Variants in ARHGEF37 observed in about 807,000 individuals in gnomAD.
The protein encoded by ARHGEF37 is Rho guanine nucleotide exchange factor 37.
In ARHGEF37, 55 loss-of-function variants were observed where a neutral mutation model predicts 71.1. The observed-to-expected ratio is 0.77, with a 90% CI of 0.62 to 0.97. The LOEUF is 0.97. ARHGEF37 is among the 50% of genes least tolerant of loss of function. ARHGEF37 has a pLI of 0.00. For missense variants in ARHGEF37, 765 were observed against 836.8 expected, an observed-to-expected ratio of 0.91 and a Z score of 1.06; for synonymous variants, 327 against 350.6, an observed-to-expected ratio of 0.93 and a Z score of 0.75.
upstream of ARHGEF37, among the ~76,000 whole-genome samples, chr5:149,576,720 G>A (rs959712967): frequency 3.3e-5 from 5 of 152,130 alleles, no homozygotes; most frequent in Non-Finnish European, 7.4e-5. Flanking sequence ...ACTTTGGGAG[G>A]CAAGGCAGGT....
chr5:149,582,758 T>C (rs968708531), intron 1 of ARHGEF37, among the ~76,000 whole-genome samples: 35 of 151,934 alleles, frequency 2.3e-4, no homozygotes, highest in Non-Finnish European at 1.9e-4. Flanking sequence ...CCTGAAACTA[T>C]GTACATCTAT....
At chr5:149,602,883 C>A (rs1260944989) in intron 3 of ARHGEF37, among the ~76,000 whole-genome samples, 1 of 152,100 alleles carries the variant, frequency 6.6e-6, no homozygotes, top group Non-Finnish European at 1.5e-5. Flanking sequence ...CTAACCTTTC[C>A]TGAACACGAA....
Position 149,628,984 on chromosome 5 carries a change from C to T in ARHGEF37, c.1818+18C>T, listed in dbSNP as rs961735560. ...TGAACCAGGTGAGTATAGGAGAGGG[C>T]TGGGGGCTTGCCTCCCATCGGCCAT... On this transcript the variant is annotated intron_variant, in intron 12 of 12. Coordinates refer to ENST00000333677, the MANE Select transcript of ARHGEF37 (RefSeq NM_001001669.3). 6.2e-7 allele frequency: 1 copy of T among 1,605,022 alleles called. No individual in the cohort carries two copies. The highest frequency in any genetic ancestry group is 8.5e-7 in the Non-Finnish European group (1 of 1,175,828).
intron 1 of ARHGEF37, among the ~76,000 whole-genome samples, chr5:149,564,808 G>C (rs1199530013): frequency 1.3e-5 from 2 of 152,118 alleles, no homozygotes; most frequent in African/African-American, 4.8e-5. Context: ...TGGGCAACAA[G>C]AGTGAAACTC....
chr5:149,602,079 C>T (rs1441356870), intron 3 of ARHGEF37, among the ~76,000 whole-genome samples: 156 of 145,870 alleles, frequency 1.1e-3, no homozygotes, highest in African/African-American at 3.6e-3. Context: ...TTTTTTGAGA[C>T]GGAGTCTCAC....
In ARHGEF37 at chr5:149,633,398, C is replaced by G. The variant is rs1187255832; in HGVS notation, c.*1207C>G. 1 of 152,226 alleles carries G rather than the reference C, an allele frequency of 6.6e-6. No homozygotes were observed. The highest frequency in any genetic ancestry group is 2.4e-5 in the African/African-American group (1 of 41,458). The allele number at this position is 152,226 out of a possible 1,614,324, so 9.4% of individuals were successfully genotyped here. On this transcript the variant is annotated 3_prime_UTR_variant, in exon 13 of 13. Transcript: ENST00000333677. ...GTAACCCAGGATCTACCTTGGGGGG[C>G]TTCTCAATACTGCATTCTATGTAGC...
rs567044502 is a variant in ARHGEF37, at chr5:149,629,524, G to A, written c.1818+558G>A. Among the ~76,000 whole-genome samples the A allele has an allele frequency of 1.1e-4, 17 of 152,282 alleles. No individual in the cohort carries two copies. In the East Asian group the frequency reaches 3.1e-3, roughly 28 times the overall value. On this transcript the variant is annotated intron_variant, in intron 12 of 12. Transcript: ENST00000333677. ...TTGGATAAAGAGGGTGTACTGGGGT[G>A]CAGATGGAAAGAGCTCTGCAGAAAA...
Position 149,627,214 on chromosome 5 carries a change from A to G in ARHGEF37, c.1603A>G (p.Ile535Val), listed in dbSNP as rs947939532. 6.2e-7 allele frequency: 1 copy of G among 1,613,960 alleles called. No individual in the cohort carries two copies. The highest frequency in any genetic ancestry group is 1.3e-5 in the African/African-American group (1 of 74,934). ...TCTGCCTCGGGGCCAAATCGTGGCC[A>G]TCCTTCAAAACAAGGACACCAAAGG... ...LTLPRGQIVAILQNKDTKGNS... is the reference protein window; with the variant it reads ...LTLPRGQIVAVLQNKDTKGNS... Residue 535 changes from isoleucine (I) to valine (V), a missense_variant, in exon 11 of 13, where the codon ATC becomes GTC. This residue lies in a region of ARHGEF37 where 390 missense variants were observed against 407.4 expected (regional missense o/e 0.96). Coordinates refer to ENST00000333677, the MANE Select transcript of ARHGEF37 (RefSeq NM_001001669.3).
intron 3 of ARHGEF37, among the ~76,000 whole-genome samples, chr5:149,605,605 T>G (rs1763896095): frequency 6.6e-6 from 1 of 152,166 alleles, no homozygotes; most frequent in Non-Finnish European, 1.5e-5. Flanking sequence ...ACCCACAAGC[T>G]CTTTCCTTTC....
chr5:149,553,088 T>C (rs1762706862), intron 1 of ARHGEF37, among the ~76,000 whole-genome samples: 1 of 151,976 alleles, frequency 6.6e-6, no homozygotes, highest in Non-Finnish European at 1.5e-5. Flanking sequence ...TAAGTTAAAA[T>C]CTGCTGTTAA....
At chr5:149,607,755 CTTTTTTTTTTTTT>C (rs67079479) in intron 3 of ARHGEF37, among the ~76,000 whole-genome samples, 1,041 of 83,184 alleles carry the variant, frequency 0.013, 35 homozygotes, top group African/African-American at 0.047. Context: ...AAAGAAACTT[CTTTTTTTTTTTTT>C]TTTTTTTTTT....
At chr5:149,555,616 G>A (rs910552232) in intron 1 of ARHGEF37, among the ~76,000 whole-genome samples, 3 of 151,952 alleles carry the variant, frequency 2.0e-5, no homozygotes, top group Non-Finnish European at 4.4e-5. Flanking sequence ...TACCCAGCCT[G>A]CAATTTAGAG....
At chr5:149,558,036 T>C (rs1032360474) in intron 1 of ARHGEF37, among the ~76,000 whole-genome samples, 3 of 150,744 alleles carry the variant, frequency 2.0e-5, no homozygotes, top group African/African-American at 7.5e-5. Context: ...TGGCTAATTA[T>C]CATATTTTTA....
intron 3 of ARHGEF37, among the ~76,000 whole-genome samples, chr5:149,603,917 C>CA (rs1411110788): frequency 2.6e-5 from 4 of 152,170 alleles, no homozygotes; most frequent in Admixed American, 2.6e-4. Context: ...GCCTGGGTGA[C>CA]AGAGTGAGAC....
chr5:149,616,441 G>C (rs1278717957), intron 4 of ARHGEF37, 126 bp from the exon 5 acceptor site: 24 of 827,620 alleles, frequency 2.9e-5, no homozygotes, highest in Non-Finnish European at 3.9e-5. Flanking sequence ...CTGGAGGATC[G>C]CAGAGAGGGG....
intron 1 of ARHGEF37, among the ~76,000 whole-genome samples, chr5:149,588,441 C>A (rs1243825797): frequency 1.3e-5 from 2 of 152,096 alleles, no homozygotes; most frequent in Admixed American, 6.6e-5. Flanking sequence ...AGATTACAGG[C>A]GTGTGCTACC....
intron 10 of ARHGEF37, among the ~76,000 whole-genome samples, chr5:149,625,473 A>G (rs1019647389): frequency 2.0e-5 from 3 of 152,162 alleles, no homozygotes; most frequent in Admixed American, 1.3e-4. Context: ...AGAAACAAGA[A>G]CAGGAGCCCA....
chr5:149,581,960 T>C (rs1183848395), intron 1 of ARHGEF37, among the ~76,000 whole-genome samples: 1 of 152,182 alleles, frequency 6.6e-6, no homozygotes, highest in Non-Finnish European at 1.5e-5. Flanking sequence ...AAAGAATGCA[T>C]ACATTATAAC....
Position 149,627,056 on chromosome 5 carries a change from C to A in ARHGEF37, c.1465-20C>A. On this transcript the variant is annotated intron_variant, in intron 10 of 12. Transcript: ENST00000333677. ...GGTTTATTCAAGCACTTGTGTCTGT[C>A]TGTGCTCCTCCTCTCCCAGCCGCTC... 6.3e-7 allele frequency: 1 copy of A among 1,597,644 alleles called. No individual in the cohort carries two copies. The highest frequency in any genetic ancestry group is 1.1e-5 in the South Asian group (1 of 89,770).
Sources: gnomAD v4.1 joint callset for allele counts (sites outside exome capture counted in the v4.1 genomes callset) on GRCh38, gnomAD v4.1.1 for gene constraint, gnomAD v4.1.1 regional missense constraint, MANE v1.5 for transcripts, NCBI Gene and HGNC (gene_info 2026-07-23, HGNC 2026-07-21) for gene names.